PKHD1: variants seen among roughly 807,000 people sequenced by gnomAD.
PKHD1 encodes fibrocystin.
In PKHD1, 291 loss-of-function variants were observed where a neutral mutation model predicts 412.0. The ratio of observed to expected loss-of-function variants is 0.71; its 90% CI spans 0.64 to 0.78. The LOEUF is 0.78. PKHD1 is among the 30% of genes least tolerant of loss of function. PKHD1 has a pLI of 0.00. For missense variants in PKHD1, 4,825 were observed against 4,950.7 expected, an observed-to-expected ratio of 0.97 and a Z score of 0.76; for synonymous variants, 1,777 against 1,821.5, an observed-to-expected ratio of 0.98 and a Z score of 0.62.
At chr6:51,771,050 A>G (rs1209389020) in intron 55 of PKHD1, among the ~76,000 whole-genome samples, 1 of 152,094 alleles carries the variant, frequency 6.6e-6, no homozygotes, top group Non-Finnish European at 1.5e-5. Flanking sequence ...GTACTTTACA[A>G]CATACTGGCC....
intron 55 of PKHD1, among the ~76,000 whole-genome samples, chr6:51,755,591 TAC>T (rs971831866): frequency 2.0e-5 from 3 of 152,216 alleles, no homozygotes; most frequent in Non-Finnish European, 4.4e-5. Context: ...ACACATTTAA[TAC>T]AGTTTCTGTT....
intron 61 of PKHD1, among the ~76,000 whole-genome samples, chr6:51,658,052 G>A (rs1397180515): frequency 6.6e-6 from 1 of 152,052 alleles, no homozygotes; most frequent in South Asian, 2.1e-4. Flanking sequence ...AAGCTAAGAT[G>A]CATCAGCATC....
chr6:52,071,982 G>A, intron 8 of PKHD1, 133 bp downstream of exon 8: 1 of 700,382 alleles, frequency 1.4e-6, no homozygotes. Flanking sequence ...GTAGTAAATA[G>A]CTATGTGTGA....
chr6:51,772,677 G>T (rs111621915), intron 55 of PKHD1, 25 bp downstream of exon 55: 65 of 1,202,922 alleles, frequency 5.4e-5, no homozygotes, highest in Admixed American at 1.1e-4. Flanking sequence ...CCAAGAAAAA[G>T]CCCTAAGTTA....
At chr6:51,688,165 C>T (rs1777681867) in intron 60 of PKHD1, among the ~76,000 whole-genome samples, 1 of 152,152 alleles carries the variant, frequency 6.6e-6, no homozygotes, top group Middle Eastern at 3.2e-3. Context: ...TTCGTAAGCA[C>T]AATCTAGAGC....
intron 7 of PKHD1, among the ~76,000 whole-genome samples, chr6:52,072,978 T>C (rs1023439558): frequency 6.6e-6 from 1 of 152,196 alleles, no homozygotes; most frequent in Admixed American, 6.6e-5. Flanking sequence ...GAAAGTCATG[T>C]TGACATCCTA....
chr6:51,923,885 G>C (rs1011165526), intron 37 of PKHD1, among the ~76,000 whole-genome samples: 1 of 152,162 alleles, frequency 6.6e-6, no homozygotes, highest in Non-Finnish European at 1.5e-5. Context: ...ATAGAAGCGA[G>C]GCCATGTGTG....
intron 60 of PKHD1, among the ~76,000 whole-genome samples, chr6:51,737,670 A>G (rs1301549648): frequency 1.3e-5 from 2 of 152,164 alleles, no homozygotes; most frequent in Non-Finnish European, 2.9e-5. Flanking sequence ...ATATAACTCT[A>G]TAGTGATGAT....
intron 63 of PKHD1, 127 bp downstream of exon 63, chr6:51,647,904 G>A: frequency 1.4e-6 from 1 of 707,226 alleles, no homozygotes; most frequent in Non-Finnish European, 2.6e-6. Flanking sequence ...GGATGAAGGA[G>A]TTTCTTCCCA....
At chr6:51,843,321 T>G (rs1770565389) in intron 50 of PKHD1, among the ~76,000 whole-genome samples, 1 of 152,204 alleles carries the variant, frequency 6.6e-6, no homozygotes, top group South Asian at 2.1e-4. Context: ...AGGAATCACA[T>G]GGGCAAGAGA....
intron 50 of PKHD1, among the ~76,000 whole-genome samples, chr6:51,838,962 T>A: frequency 6.6e-6 from 1 of 152,226 alleles, no homozygotes; most frequent in East Asian, 1.9e-4. Context: ...ATGTTAACTA[T>A]TATCAATACT....
intron 43 of PKHD1, among the ~76,000 whole-genome samples, chr6:51,891,103 T>C (rs756875484): frequency 9.2e-5 from 14 of 152,218 alleles, no homozygotes; most frequent in Non-Finnish European, 2.1e-4. Flanking sequence ...AAGGATGGAT[T>C]GAGAGTGAGG....
At position 51,943,279 on chromosome 6, in the gene PKHD1, G is replaced by A. The variant is rs577930786; in HGVS notation, c.5909-8957C>T. On this transcript the variant is annotated intron_variant, in intron 36 of 66. Transcript: ENST00000371117. ...CTTGCCCTTCTCAGAATTCAGGCCT[G>A]AACTCGGAATGCTACAAGGTACAGC... Among the ~76,000 whole-genome samples the A allele has an allele frequency of 7.3e-5, 11 of 151,440 alleles. No homozygotes were observed. The South Asian group carries it at 2.3e-3, about 32-fold the overall frequency.
At position 51,831,007 on chromosome 6, in the gene PKHD1, A is replaced by T. The variant is rs111383080; in HGVS notation, c.8174-18T>A. 3,325 of 1,602,256 alleles carry T rather than the reference A, an allele frequency of 2.1e-3. 65 individuals carry two copies. The African/African-American group carries it at 0.037, about 18-fold the overall frequency. On this transcript the variant is annotated intron_variant, in intron 51 of 66. Coordinates refer to ENST00000371117, the MANE Select transcript of PKHD1 (RefSeq NM_138694.4). ...GGTAGAAGCTAGAAAATAAAAAAAAATTTTGAAAATCTAATCCATTGTGAT... is the reference window on the plus strand; with the variant it reads ...GGTAGAAGCTAGAAAATAAAAAAAATTTTTGAAAATCTAATCCATTGTGAT...
Position 51,780,117 on chromosome 6 carries a change from G to C in PKHD1, c.8441-4196C>G, listed in dbSNP as rs138886193. On this transcript the variant is annotated intron_variant, in intron 53 of 66. Transcript: ENST00000371117. Reference sequence around the variant, plus strand: ...GAAAGTAAAAAAGCAGCCAGATGTGGTGGCTCATTCCTGTAATCCCAGCAC... The same window carrying C: ...GAAAGTAAAAAAGCAGCCAGATGTGCTGGCTCATTCCTGTAATCCCAGCAC... Among the ~76,000 whole-genome samples, 300 of 152,268 alleles carry C rather than the reference G, an allele frequency of 2.0e-3. 2 individuals carry two copies. Among genetic ancestry groups the C allele is most frequent in the African/African-American group, 6.7e-3 (278 of 41,564 alleles).
intron 52 of PKHD1, among the ~76,000 whole-genome samples, chr6:51,813,522 A>T (rs1193785827): frequency 6.6e-6 from 1 of 152,180 alleles, no homozygotes; most frequent in Non-Finnish European, 1.5e-5. Context: ...CAAAAAATAA[A>T]TGTGAATATC....
chr6:51,937,968 CT>C (rs1415302216), intron 36 of PKHD1, among the ~76,000 whole-genome samples: 1 of 152,212 alleles, frequency 6.6e-6, no homozygotes, highest in Non-Finnish European at 1.5e-5. Flanking sequence ...GCCTCACAGG[CT>C]GGCTGGCTTT....
intron 52 of PKHD1, among the ~76,000 whole-genome samples, chr6:51,818,056 G>C (rs1172085433): frequency 6.6e-6 from 1 of 152,144 alleles, no homozygotes; most frequent in Non-Finnish European, 1.5e-5. Flanking sequence ...ACGTTATCAT[G>C]TAAATAAAGA....
At chr6:51,762,758 T>C (rs1376820719) in intron 55 of PKHD1, among the ~76,000 whole-genome samples, 4 of 151,976 alleles carry the variant, frequency 2.6e-5, no homozygotes, top group East Asian at 1.9e-4. Context: ...CAAAGACTTA[T>C]TGAATTGACT....
Sources: gnomAD v4.1 joint callset for allele counts (sites outside exome capture counted in the v4.1 genomes callset) on GRCh38, gnomAD v4.1.1 for gene constraint, MANE v1.5 for transcripts, NCBI Gene and HGNC (gene_info 2026-07-23, HGNC 2026-07-21) for gene names.